Variants in HYCC1 observed in about 807,000 individuals in gnomAD.
HYCC1 encodes the protein hyccin PI4KA lipid kinase complex subunit 1.
chr7:22,937,025 T>C, the HYCC1 span: 17 of 152,092 alleles, frequency 1.1e-4, no homozygotes, highest in Non-Finnish European at 2.1e-4. Context: ...AAAGAATAAA[T>C]ATTGAAACAA....
the HYCC1 span, among the ~76,000 whole-genome samples, chr7:22,981,463 A>C: frequency 0.63 from 95,193 of 151,952 alleles, 30,003 homozygotes; most frequent in Non-Finnish European, 0.66. Context: ...AGGGAGGTTA[A>C]AATGTTAAAG....
the HYCC1 span, among the ~76,000 whole-genome samples, chr7:22,963,778 C>G: frequency 6.6e-6 from 1 of 152,100 alleles, no homozygotes; most frequent in African/African-American, 2.4e-5. Context: ...GGCCCACAGA[C>G]CATAAATTCT....
the HYCC1 span, among the ~76,000 whole-genome samples, chr7:22,969,731 C>G: frequency 6.6e-6 from 1 of 152,078 alleles, no homozygotes; most frequent in South Asian, 2.1e-4. Flanking sequence ...GCCATGTTGG[C>G]CAGGCTGGTC....
the HYCC1 span, among the ~76,000 whole-genome samples, chr7:22,904,122 T>C: frequency 8.5e-3 from 1,299 of 152,150 alleles, 33 homozygotes; most frequent in East Asian, 0.079. Context: ...AACTTAGTAA[T>C]TGAAACCTTA....
chr7:23,011,871 T>G, the HYCC1 span, among the ~76,000 whole-genome samples: 1 of 152,202 alleles, frequency 6.6e-6, no homozygotes, highest in Admixed American at 6.5e-5. Context: ...CCTTCACAAC[T>G]TGGCTGTGTG....
chr7:22,948,539 CA>C, the HYCC1 span, among the ~76,000 whole-genome samples: 1 of 152,002 alleles, frequency 6.6e-6, no homozygotes, highest in African/African-American at 2.4e-5. Context: ...TAACGTGTAA[CA>C]AAGTCTGGGA....
At chr7:22,967,384 G>GGGAT in the HYCC1 span, among the ~76,000 whole-genome samples, 1 of 152,148 alleles carries the variant, frequency 6.6e-6, no homozygotes, top group East Asian at 1.9e-4. Context: ...AGGCAGAGGT[G>GGGAT]GGATGAAACA....
the HYCC1 span, among the ~76,000 whole-genome samples, chr7:22,911,096 G>A: frequency 2.6e-5 from 4 of 152,150 alleles, no homozygotes; most frequent in South Asian, 8.3e-4. Context: ...CATTTACATG[G>A]CTTTTCATTT....
chr7:23,001,945 T>C, the HYCC1 span, among the ~76,000 whole-genome samples: 1 of 151,708 alleles, frequency 6.6e-6, no homozygotes, highest in East Asian at 1.9e-4. Context: ...TTCTCTAATT[T>C]AGTTTACCCT....
At chr7:22,930,450 A>T in the HYCC1 span, among the ~76,000 whole-genome samples, 2 of 151,862 alleles carry the variant, frequency 1.3e-5, no homozygotes, top group African/African-American at 4.8e-5. Context: ...GATCTATAAA[A>T]GTAAAGAGAT....
At chr7:22,930,113 G>A in the HYCC1 span, among the ~76,000 whole-genome samples, 2 of 145,106 alleles carry the variant, frequency 1.4e-5, no homozygotes, top group African/African-American at 5.1e-5. Flanking sequence ...AACACTGCAT[G>A]TTCTCACTCA....
the HYCC1 span, chr7:22,940,542 G>A: frequency 0.39 from 59,800 of 151,790 alleles, 11,746 homozygotes; most frequent in East Asian, 0.51. Flanking sequence ...GTGAGCCACC[G>A]CACCCAGCCA....
the HYCC1 span, among the ~76,000 whole-genome samples, chr7:22,897,237 G>A: frequency 6.6e-6 from 1 of 152,150 alleles, no homozygotes. Context: ...CAGAGTAGAA[G>A]GAAATGAGGG....
chr7:23,000,476 A>G, the HYCC1 span, among the ~76,000 whole-genome samples: 1 of 152,326 alleles, frequency 6.6e-6, no homozygotes, highest in African/African-American at 2.4e-5. Flanking sequence ...ATACATGTAT[A>G]CATAGTCCAT....
At chr7:22,966,385 A>C in the HYCC1 span, among the ~76,000 whole-genome samples, 1 of 152,138 alleles carries the variant, frequency 6.6e-6, no homozygotes, top group South Asian at 2.1e-4. Context: ...TCTGCCTACC[A>C]GGTTCAAGCA....
chr7:22,956,938 C>T, the HYCC1 span, among the ~76,000 whole-genome samples: 1 of 151,732 alleles, frequency 6.6e-6, no homozygotes, highest in South Asian at 2.1e-4. Flanking sequence ...TTTAAACTTC[C>T]ATTATAATAC....
chr7:22,983,600 A>G, the HYCC1 span: 1 of 254,330 alleles, frequency 3.9e-6, no homozygotes, highest in Non-Finnish European at 7.6e-6. Context: ...CTTTCAGGAT[A>G]AAAACCATGT....
At chr7:22,983,446 C>T in the HYCC1 span, among the ~76,000 whole-genome samples, 1 of 152,232 alleles carries the variant, frequency 6.6e-6, no homozygotes, top group East Asian at 1.9e-4. Context: ...CTTTAAATGC[C>T]TTGCATTTTC....
At chr7:22,946,806 T>G in the HYCC1 span, 1 of 610,326 alleles carries the variant, frequency 1.6e-6, no homozygotes, top group Non-Finnish European at 2.7e-6. Flanking sequence ...TCAAAGACGA[T>G]AAAGGTATAA....
Sources: allele counts gnomAD v4.1 joint callset (sites outside exome capture counted in the v4.1 genomes callset), GRCh38; gene constraint gnomAD v4.1.1; transcripts MANE v1.5; gene names NCBI Gene and HGNC (gene_info 2026-07-23, HGNC 2026-07-21).